The following JAK1 variants were observed in gnomAD, a reference collection of about 807,000 sequenced individuals.
The protein encoded by JAK1 is tyrosine-protein kinase JAK1.
Under a neutral mutation model 136.6 loss-of-function variants are expected in JAK1, and 16 were observed. The ratio of observed to expected loss-of-function variants is 0.12; its 90% CI spans 0.08 to 0.18. The LOEUF (loss-of-function observed/expected upper bound fraction) is 0.18, where lower values mean the gene tolerates loss of function less well. JAK1 is among the 10% of genes least tolerant of loss of function. The probability of loss-of-function intolerance (pLI) is 1.00; values close to 1 mark genes in which losing one functional copy is unlikely to be tolerated. For missense variants in JAK1, 859 were observed against 1,450.1 expected, an observed-to-expected ratio of 0.59 and a Z score of 6.62; for synonymous variants, 492 against 519.5, an observed-to-expected ratio of 0.95 and a Z score of 0.72.
At chr1:64,985,898 A>G in intron 2 of JAK1, 1 of 699,418 alleles carries the variant, frequency 1.4e-6, no homozygotes, top group East Asian at 3.2e-5. Context: ...ATATGGCCAT[A>G]GACAAGCACC....
chr1:64,871,206 G>A (rs1480711234), intron 5 of JAK1, among the ~76,000 whole-genome samples: 1 of 152,122 alleles, frequency 6.6e-6, no homozygotes, highest in Non-Finnish European at 1.5e-5. Context: ...GCAGTTCTAA[G>A]GCATAGATGG....
At chr1:64,928,923 T>C (rs1645640536) in intron 1 of JAK1, among the ~76,000 whole-genome samples, 2 of 152,208 alleles carry the variant, frequency 1.3e-5, no homozygotes, top group Non-Finnish European at 2.9e-5. Flanking sequence ...ACACTGATGA[T>C]GACAAATGTG....
At chr1:64,838,954 G>A (rs1044514380) in intron 20 of JAK1, among the ~76,000 whole-genome samples, 13 of 151,448 alleles carry the variant, frequency 8.6e-5, no homozygotes, top group Non-Finnish European at 1.6e-4. Flanking sequence ...GACCATCCTG[G>A]CTAACACGGT....
intron 1 of JAK1, among the ~76,000 whole-genome samples, chr1:64,964,479 TACA>T (rs771774496): frequency 2.0e-4 from 30 of 152,250 alleles, no homozygotes; most frequent in Non-Finnish European, 3.8e-4. Context: ...GATCCTAAAT[TACA>T]ACAACTGAAA....
intron 1 of JAK1, among the ~76,000 whole-genome samples, chr1:64,895,955 G>A (rs182207807): frequency 1.2e-4 from 19 of 152,302 alleles, no homozygotes; most frequent in South Asian, 4.1e-4. Context: ...TGGAAACAAC[G>A]GTTATCGTAA....
At chr1:64,993,705 G>A (rs538199590) in intron 2 of JAK1, 1 of 152,048 alleles carries the variant, frequency 6.6e-6, no homozygotes, top group Non-Finnish European at 1.5e-5. Context: ...AAGTACAGTG[G>A]TGTGATCTTG....
chr1:64,868,010 AAGAGAGAGAGAG>A (rs139348914), intron 6 of JAK1, among the ~76,000 whole-genome samples: 36 of 146,944 alleles, frequency 2.4e-4, no homozygotes, highest in African/African-American at 8.8e-4. Context: ...CCCCACAAAA[AAGAGAGAGAGAG>A]AGAGAGTGAG....
At chr1:65,054,531 G>A (rs947961343) in intron 1 of JAK1, among the ~76,000 whole-genome samples, 3 of 151,672 alleles carry the variant, frequency 2.0e-5, no homozygotes, top group Admixed American at 6.6e-5. Context: ...ATCCCAGACC[G>A]TTCCCTTCTT....
At chr1:64,896,726 C>G (rs746533520) in intron 1 of JAK1, among the ~76,000 whole-genome samples, 86 of 152,286 alleles carry the variant, frequency 5.6e-4, no homozygotes, top group Non-Finnish European at 1.0e-3. Context: ...TTGCCAAACA[C>G]AGGACACACC....
chr1:65,050,340 T>G (rs79549786), intron 1 of JAK1, among the ~76,000 whole-genome samples: 127 of 152,312 alleles, frequency 8.3e-4, no homozygotes, highest in African/African-American at 2.9e-3. Context: ...CAAAGTGCCA[T>G]GAGATCAGAC....
At chr1:64,847,908 G>A (rs969241452) in intron 12 of JAK1, among the ~76,000 whole-genome samples, 1 of 152,018 alleles carries the variant, frequency 6.6e-6, no homozygotes, top group African/African-American at 2.4e-5. Flanking sequence ...CTCCCTAAAC[G>A]GCTCCTTGCT....
intron 1 of JAK1, among the ~76,000 whole-genome samples, chr1:64,905,087 A>G (rs1201414664): frequency 2.6e-5 from 4 of 152,044 alleles, no homozygotes; most frequent in Non-Finnish European, 4.4e-5. Context: ...CTCTGCCTTT[A>G]TTTGCCTCGG....
At chr1:65,002,794 G>T (rs1292185044) in intron 2 of JAK1, among the ~76,000 whole-genome samples, 3 of 152,190 alleles carry the variant, frequency 2.0e-5, no homozygotes, top group Non-Finnish European at 2.9e-5. Flanking sequence ...GCCAGTCTGC[G>T]CCTGCCGCAG....
intron 1 of JAK1, among the ~76,000 whole-genome samples, chr1:64,904,593 T>C (rs1358298266): frequency 6.6e-6 from 1 of 152,218 alleles, no homozygotes; most frequent in East Asian, 1.9e-4. Context: ...GGATCAGATG[T>C]TCTCTATGCT....
chr1:65,054,704 A>C (rs1647449986), intron 1 of JAK1, among the ~76,000 whole-genome samples: 1 of 152,204 alleles, frequency 6.6e-6, no homozygotes, highest in Non-Finnish European at 1.5e-5. Flanking sequence ...ACATAAAGCC[A>C]GCAAGAGATG....
chr1:64,913,647 GGAAGGAAAGA>G (rs1557686388), intron 1 of JAK1, among the ~76,000 whole-genome samples: 3 of 92,544 alleles, frequency 3.2e-5, no homozygotes, highest in African/African-American at 1.5e-4. Context: ...AAGGGAGGAA[GGAAGGAAAGA>G]AGGAAGGAAG....
chr1:64,982,750 G>T (rs150343162), intron 2 of JAK1, among the ~76,000 whole-genome samples: 300 of 150,834 alleles, frequency 2.0e-3, no homozygotes, highest in African/African-American at 7.2e-3. Flanking sequence ...TGTAAAATGG[G>T]AGTGATAATA....
chr1:64,873,957 T>C (rs1292015823), intron 4 of JAK1, among the ~76,000 whole-genome samples: 1 of 152,238 alleles, frequency 6.6e-6, no homozygotes, highest in Non-Finnish European at 1.5e-5. Context: ...AATCAAGATA[T>C]ACAGCTTACG....
intron 2 of JAK1, among the ~76,000 whole-genome samples, chr1:65,035,418 C>T (rs1183908948): frequency 4.6e-5 from 7 of 152,240 alleles, no homozygotes; most frequent in Admixed American, 1.3e-4. Context: ...GAAACGCATC[C>T]GTGAGATGTC....
Sources: allele counts gnomAD v4.1 joint callset (sites outside exome capture counted in the v4.1 genomes callset), GRCh38; gene constraint gnomAD v4.1.1; transcripts MANE v1.5; gene names NCBI Gene and HGNC (gene_info 2026-07-23, HGNC 2026-07-21).